Variants in GRIK2 observed in about 807,000 individuals in gnomAD.
GRIK2 encodes the protein glutamate ionotropic receptor kainate type subunit 2, also known as glutamate receptor ionotropic, kainate 2.
Under a neutral mutation model 100.3 loss-of-function variants are expected in GRIK2, and 32 were observed. The observed-to-expected ratio is 0.32, with a 90% CI of 0.24 to 0.43. The LOEUF (loss-of-function observed/expected upper bound fraction) is 0.43. GRIK2 is among the 20% of genes least tolerant of loss of function. GRIK2 has a pLI of 1.00. For synonymous variants in GRIK2, 417 were observed against 389.4 expected, an observed-to-expected ratio of 1.07 and a Z score of -0.83; for missense variants, 843 against 1,114.9, an observed-to-expected ratio of 0.76 and a Z score of 3.47.
At chr6:101,483,431 T>G (rs1012943144) in intron 2 of GRIK2, among the ~76,000 whole-genome samples, 10 of 152,340 alleles carry the variant, frequency 6.6e-5, no homozygotes, top group African/African-American at 2.4e-4. Context: ...ACCCTAGATG[T>G]TTTCTGAACC....
chr6:101,607,183 C>T (rs1034483281), intron 2 of GRIK2, among the ~76,000 whole-genome samples: 3 of 151,988 alleles, frequency 2.0e-5, no homozygotes, highest in Admixed American at 2.0e-4. Context: ...GGTTGGGAAA[C>T]CGTTTCAGTT....
At chr6:101,946,673 G>A (rs908042911) in intron 14 of GRIK2, among the ~76,000 whole-genome samples, 7 of 152,108 alleles carry the variant, frequency 4.6e-5, no homozygotes, top group Admixed American at 3.9e-4. Context: ...AGTTAACACA[G>A]GCAAGGCGAT....
At chr6:102,062,920 A>T (rs1771827396) in intron 16 of GRIK2, among the ~76,000 whole-genome samples, 1 of 150,584 alleles carries the variant, frequency 6.6e-6, no homozygotes, top group African/African-American at 2.4e-5. Flanking sequence ...TTATTATCTA[A>T]TGTGGTAGAA....
At chr6:101,683,076 G>A (rs1582952790) in intron 6 of GRIK2, among the ~76,000 whole-genome samples, 1 of 152,148 alleles carries the variant, frequency 6.6e-6, no homozygotes, top group East Asian at 1.9e-4. Flanking sequence ...GGTGGTGGGT[G>A]CCTGTAGTCA....
chr6:101,396,990 A>G (rs1016198368), intron 1 of GRIK2, among the ~76,000 whole-genome samples: 1 of 152,198 alleles, frequency 6.6e-6, no homozygotes, highest in Non-Finnish European at 1.5e-5. Flanking sequence ...CACTTTTCCA[A>G]CTAGACATCC....
chr6:101,810,696 C>T (rs1368508129), intron 9 of GRIK2, among the ~76,000 whole-genome samples: 2 of 152,038 alleles, frequency 1.3e-5, no homozygotes, highest in Admixed American at 6.6e-5. Flanking sequence ...TGGAAGTAAA[C>T]AGTTATTAAA....
intron 2 of GRIK2, among the ~76,000 whole-genome samples, chr6:101,595,963 T>G (rs1403994576): frequency 6.6e-6 from 1 of 150,986 alleles, no homozygotes; most frequent in Non-Finnish European, 1.5e-5. Flanking sequence ...AAATTTTTTT[T>G]TTTTTTTGCT....
chr6:101,692,730 G>A (rs927580033), intron 7 of GRIK2, among the ~76,000 whole-genome samples: 2 of 151,948 alleles, frequency 1.3e-5, no homozygotes, highest in Admixed American at 1.3e-4. Flanking sequence ...GTCGAAAAAT[G>A]TGTAACATTT....
intron 10 of GRIK2, among the ~76,000 whole-genome samples, chr6:101,821,351 T>C (rs1781936439): frequency 6.6e-6 from 1 of 152,190 alleles, no homozygotes; most frequent in Non-Finnish European, 1.5e-5. Flanking sequence ...CTTTAATAAA[T>C]ACACTAATGC....
chr6:101,477,599 C>G (rs1352148961), intron 2 of GRIK2, among the ~76,000 whole-genome samples: 1 of 152,104 alleles, frequency 6.6e-6, no homozygotes. Context: ...AGGGTACTTA[C>G]GTTCATTCTA....
At chr6:101,670,570 G>T (rs1209379257) in intron 4 of GRIK2, among the ~76,000 whole-genome samples, 2 of 152,110 alleles carry the variant, frequency 1.3e-5, no homozygotes, top group Non-Finnish European at 2.9e-5. Context: ...ATTATTTTCA[G>T]AAAATTTCTA....
intron 2 of GRIK2, among the ~76,000 whole-genome samples, chr6:101,443,776 C>T (rs559192447): frequency 9.9e-5 from 15 of 151,932 alleles, no homozygotes; most frequent in Non-Finnish European, 1.8e-4. Flanking sequence ...AAGAATACTA[C>T]CGGAAAACAT....
At chr6:101,428,345 T>C (rs959758281) in intron 2 of GRIK2, among the ~76,000 whole-genome samples, 2 of 152,164 alleles carry the variant, frequency 1.3e-5, no homozygotes, top group African/African-American at 4.8e-5. Context: ...GGGAAATGCA[T>C]TTCTACTGGT....
At chr6:101,849,196 TC>T (rs949155495) in intron 10 of GRIK2, among the ~76,000 whole-genome samples, 7 of 151,840 alleles carry the variant, frequency 4.6e-5, no homozygotes, top group African/African-American at 1.7e-4. Flanking sequence ...TTGGGAAAAT[TC>T]AAGTAAAGCA....
intron 11 of GRIK2, among the ~76,000 whole-genome samples, chr6:101,875,489 G>A (rs1785761674): frequency 1.3e-5 from 2 of 151,654 alleles, no homozygotes; most frequent in African/African-American, 4.8e-5. Context: ...ATGTTACAGT[G>A]CAATTGAGTA....
At chr6:101,664,299 G>A (rs1769850556) in intron 4 of GRIK2, among the ~76,000 whole-genome samples, 1 of 152,198 alleles carries the variant, frequency 6.6e-6, no homozygotes, top group African/African-American at 2.4e-5. Context: ...TAGATAATAG[G>A]ATGGGTCTAG....
At chr6:102,031,248 G>A (rs915521237) in intron 14 of GRIK2, among the ~76,000 whole-genome samples, 5 of 150,752 alleles carry the variant, frequency 3.3e-5, no homozygotes, top group African/African-American at 1.2e-4. Context: ...TGTAGTCTTA[G>A]TGATCTCTTC....
rs572214021 is a variant in GRIK2, at chr6:102,023,430, G to A, written c.2086-11911G>A. 2.6e-5 allele frequency among the ~76,000 whole-genome samples: 4 copies of A among 151,660 alleles called. 1 individual carries two copies. The highest frequency in any genetic ancestry group is 9.6e-5 in the African/African-American group (4 of 41,486). ...TAAAGCAGAAAATGAAGGATTCGCT[G>A]TGGCTTGTAGGGTAACAAACAGAAG... On this transcript the variant is annotated intron_variant, in intron 14 of 16. Transcript: ENST00000369134.
chr6:101,734,727 A>G (rs771754667), intron 7 of GRIK2, among the ~76,000 whole-genome samples: 1 of 152,188 alleles, frequency 6.6e-6, no homozygotes, highest in African/African-American at 2.4e-5. Flanking sequence ...AACTTGTCCT[A>G]AGGAAAATGA....
Sources: gnomAD v4.1 joint callset for allele counts (sites outside exome capture counted in the v4.1 genomes callset) on GRCh38, gnomAD v4.1.1 for gene constraint, MANE v1.5 for transcripts, NCBI Gene and HGNC (gene_info 2026-07-23, HGNC 2026-07-21) for gene names.